ADAMTS12: variants seen among roughly 807,000 people sequenced by gnomAD.
The protein encoded by ADAMTS12 is A disintegrin and metalloproteinase with thrombospondin motifs 12.
In ADAMTS12, 118 loss-of-function variants were observed where a neutral mutation model predicts 167.8. The observed-to-expected ratio is 0.70, with a 90% confidence interval of 0.61 to 0.82. The LOEUF (loss-of-function observed/expected upper bound fraction) is 0.82, where lower values mean the gene tolerates loss of function less well. ADAMTS12 is among the 40% of genes least tolerant of loss of function. The probability of loss-of-function intolerance (pLI) is 0.00; values close to 1 mark genes in which losing one functional copy is unlikely to be tolerated. For missense variants in ADAMTS12, 1,916 were observed against 1,998.8 expected (o/e 0.96, Z 0.79); for synonymous variants, 704 against 716.9 (o/e 0.98, Z 0.29).
chr5:33,760,879 CTGTGTGTG>C (rs61110268), intron 2 of ADAMTS12, among the ~76,000 whole-genome samples: 18,459 of 145,446 alleles, frequency 0.13, 1,271 homozygotes, highest in Non-Finnish European at 0.15. Context: ...TGTCTTTGCT[CTGTGTGTG>C]TGTGTGTGTG....
chr5:33,528,467 G>A (rs1048620254), intron 23 of ADAMTS12, among the ~76,000 whole-genome samples: 5 of 152,208 alleles, frequency 3.3e-5, no homozygotes, highest in Admixed American at 1.3e-4. Flanking sequence ...TTTTAAACCC[G>A]AGTGTCGGGG....
chr5:33,567,026 C>T (rs948977138), intron 19 of ADAMTS12, among the ~76,000 whole-genome samples: 2 of 152,172 alleles, frequency 1.3e-5, no homozygotes, highest in Non-Finnish European at 1.5e-5. Flanking sequence ...GGAATCATCA[C>T]CTTGTATTGC....
At chr5:33,814,201 A>C (rs1187512577) in intron 2 of ADAMTS12, among the ~76,000 whole-genome samples, 1 of 152,148 alleles carries the variant, frequency 6.6e-6, no homozygotes, top group Non-Finnish European at 1.5e-5. Flanking sequence ...CCTGTATTAC[A>C]TTCTAGAAAT....
intron 2 of ADAMTS12, among the ~76,000 whole-genome samples, chr5:33,766,658 T>C (rs1745546182): frequency 6.6e-6 from 1 of 152,130 alleles, no homozygotes; most frequent in Non-Finnish European, 1.5e-5. Flanking sequence ...TTAAAAACAG[T>C]CTAAAATTTT....
At chr5:33,633,838 C>A (rs1281982073) in intron 12 of ADAMTS12, among the ~76,000 whole-genome samples, 1 of 152,144 alleles carries the variant, frequency 6.6e-6, no homozygotes, top group Admixed American at 6.6e-5. Context: ...TTCCTTGTCT[C>A]ACATTTACTC....
intron 2 of ADAMTS12, among the ~76,000 whole-genome samples, chr5:33,754,595 C>A (rs898197408): frequency 6.6e-6 from 1 of 152,226 alleles, no homozygotes; most frequent in African/African-American, 2.4e-5. Flanking sequence ...GTAATCCCAG[C>A]TCTTTGGGAG....
At chr5:33,884,599 T>C (rs1264229480) in intron 1 of ADAMTS12, among the ~76,000 whole-genome samples, 1 of 152,210 alleles carries the variant, frequency 6.6e-6, no homozygotes, top group African/African-American at 2.4e-5. Context: ...CACTCTCATC[T>C]GTCCTGAAGG....
rs553256206 is a variant in ADAMTS12, at chr5:33,564,126, G to T, written c.3973-2947C>A. ...ACAGGCCAGAAGGCAGGAGGACATT[G>T]CAAGAGCGATTTCAGATCACACCCA... On this transcript the variant is annotated intron_variant, in intron 19 of 23. Coordinates refer to ENST00000504830, the MANE Select transcript of ADAMTS12 (RefSeq NM_030955.4). Among the ~76,000 whole-genome samples the T allele has an allele frequency of 2.1e-3, 325 of 152,346 alleles. 1 individual carries two copies. The highest frequency in any genetic ancestry group is 7.5e-3 in the African/African-American group (312 of 41,582).
chr5:33,784,733 T>C (rs532158647), intron 2 of ADAMTS12, among the ~76,000 whole-genome samples: 1 of 152,206 alleles, frequency 6.6e-6, no homozygotes, highest in African/African-American at 2.4e-5. Flanking sequence ...GTTCAAGGAT[T>C]AAAGACTCAA....
Position 33,576,962 on chromosome 5 carries a change from CG to C in ADAMTS12, c.3063del (p.Val1022SerfsTer11). 2 of 1,614,112 alleles carry C rather than the reference CG, an allele frequency of 1.2e-6. No homozygotes were observed. Among genetic ancestry groups the C allele is most frequent in the South Asian group, 2.2e-5 (2 of 91,070 alleles). Reference protein sequence around the residue: ...SNGKNPPTLKPVPPPTSRPRM... With the variant: ...SNGKNPPTLKXVPPPTSRPRM... ...CTGGGCCTGGATGTAGGTGGAGGGA[CG>C]GGCTTTAGTGTTGGTGGGTTTTTTC... On this transcript the variant is annotated frameshift_variant, in exon 19 of 24. Coordinates refer to ENST00000504830, the MANE Select transcript of ADAMTS12 (RefSeq NM_030955.4). LOFTEE classifies it high-confidence loss of function.
At chr5:33,764,142 C>T (rs113746579) in intron 2 of ADAMTS12, among the ~76,000 whole-genome samples, 123 of 152,218 alleles carry the variant, frequency 8.1e-4, no homozygotes, top group Admixed American at 3.7e-3. Flanking sequence ...TCCTCAAACA[C>T]GCTCGTCTAC....
chr5:33,731,855 C>A (rs1277149736), intron 3 of ADAMTS12, among the ~76,000 whole-genome samples: 1 of 151,936 alleles, frequency 6.6e-6, no homozygotes, highest in Admixed American at 6.6e-5. Context: ...TAAATTATTC[C>A]ATATAGATAT....
intron 4 of ADAMTS12, 114 bp from the exon 5 acceptor site, chr5:33,683,215 A>G: frequency 1.3e-6 from 1 of 777,140 alleles, no homozygotes; most frequent in Non-Finnish European, 2.0e-6. Flanking sequence ...ATAGGTCAGA[A>G]ATGTTTGGCG....
intron 13 of ADAMTS12, among the ~76,000 whole-genome samples, chr5:33,626,943 T>G (rs1468636368): frequency 6.8e-6 from 1 of 146,546 alleles, no homozygotes; most frequent in African/African-American, 2.5e-5. Flanking sequence ...GTAATGATGA[T>G]TTGCTGATGG....
chr5:33,649,903 C>T (rs552503174), intron 7 of ADAMTS12, among the ~76,000 whole-genome samples: 1 of 152,144 alleles, frequency 6.6e-6, no homozygotes, highest in Non-Finnish European at 1.5e-5. Context: ...GCATGCTTTA[C>T]CTCAAATATG....
chr5:33,869,450 A>T (rs551087755), intron 2 of ADAMTS12, among the ~76,000 whole-genome samples: 1 of 152,160 alleles, frequency 6.6e-6, no homozygotes, highest in East Asian at 1.9e-4. Context: ...CAGAGGGGAA[A>T]TGTGTGGCTG....
At chr5:33,690,186 T>C (rs1213459341) in intron 3 of ADAMTS12, among the ~76,000 whole-genome samples, 1 of 152,188 alleles carries the variant, frequency 6.6e-6, no homozygotes, top group Non-Finnish European at 1.5e-5. Context: ...GAGGGGCCCA[T>C]CTCTCCAGGC....
chr5:33,578,303 A>G (rs961453653), intron 18 of ADAMTS12, among the ~76,000 whole-genome samples: 2 of 152,220 alleles, frequency 1.3e-5, no homozygotes, highest in African/African-American at 4.8e-5. Context: ...TGTACAAGGC[A>G]GGAACTGTTA....
intron 5 of ADAMTS12, among the ~76,000 whole-genome samples, chr5:33,677,468 T>C (rs766455955): frequency 5.3e-5 from 8 of 152,194 alleles, no homozygotes. Flanking sequence ...TGGTACTCTC[T>C]GTGATGTCAA....
Sources: gnomAD v4.1 joint callset for allele counts (sites outside exome capture counted in the v4.1 genomes callset) on GRCh38, gnomAD v4.1.1 for gene constraint, MANE v1.5 for transcripts, NCBI Gene and HGNC (gene_info 2026-07-23, HGNC 2026-07-21) for gene names.